Variants in ANKRD18B observed in about 807,000 individuals in gnomAD.
ANKRD18B encodes the protein ankyrin repeat domain 18B.
A neutral mutation model predicts 111.8 loss-of-function variants in ANKRD18B; 75 were observed. The ratio of observed to expected loss-of-function variants is 0.67; its 90% CI spans 0.56 to 0.81. ANKRD18B has a LOEUF of 0.81. Among genes scored for constraint, ANKRD18B ranks in the 40% least tolerant of loss-of-function variants. The pLI is 0.00. For missense variants in ANKRD18B, 1,038 were observed against 1,225.5 expected, an observed-to-expected ratio of 0.85 and a Z score of 2.28; for synonymous variants, 356 against 417.3, an observed-to-expected ratio of 0.85 and a Z score of 1.79.
chr9:33,552,392 T>TCCTAGC (rs1270514952), intron 12 of ANKRD18B, among the ~76,000 whole-genome samples: 1 of 152,230 alleles, frequency 6.6e-6, no homozygotes, highest in Non-Finnish European at 1.5e-5. Context: ...AGCTCCTTAA[T>TCCTAGC]CCTAGCGCTC....
At chr9:33,557,958 A>G in intron 13 of ANKRD18B, 100 bp from the exon 14 acceptor site, 3 of 1,123,338 alleles carry the variant, frequency 2.7e-6, no homozygotes, top group Non-Finnish European at 1.2e-6. Context: ...TAGTTTATAG[A>G]TTTGTTTCTT....
chr9:33,553,392 C>T (rs1828475351), intron 12 of ANKRD18B, among the ~76,000 whole-genome samples: 1 of 152,032 alleles, frequency 6.6e-6, no homozygotes, highest in African/African-American at 2.4e-5. Flanking sequence ...TGTATAGATT[C>T]CCATAGAATT....
At chr9:33,574,164 AGTCAGTGGGGACCAG>A (rs1486350381), downstream of ANKRD18B, among the ~76,000 whole-genome samples, 2 of 115,022 alleles carry the variant, frequency 1.7e-5, 1 homozygote, top group East Asian at 5.8e-4. Flanking sequence ...GTGGGAACCC[AGTCAGTGGGGACCAG>A]GTCAGTGGGA....
chr9:33,574,978 A>G (rs1828840205), downstream of ANKRD18B, among the ~76,000 whole-genome samples: 1 of 152,126 alleles, frequency 6.6e-6, no homozygotes, highest in Admixed American at 6.5e-5. Flanking sequence ...TTTCTAGGTG[A>G]GATGCACATC....
downstream of ANKRD18B, among the ~76,000 whole-genome samples, chr9:33,574,858 G>A (rs1341263015): frequency 6.6e-6 from 1 of 152,208 alleles, no homozygotes; most frequent in African/African-American, 2.4e-5. Flanking sequence ...TGTTGTGGTG[G>A]GTTGTGTCAT....
chr9:33,568,697 G>T lies in ANKRD18B; in HGVS notation c.2981G>T (p.Ser994Ile), dbSNP rs2118140236. The change falls in exon 17 of 19, where the codon AGC becomes ATC. Residue 994 changes from serine to isoleucine, a missense_variant. By Grantham distance (142) the Ser-to-Ile change is moderately radical (BLOSUM62 -2). Around this residue, in one of 4 missense-constraint regions of ANKRD18B, gnomAD observed 524 missense variants for 677.9 expected, o/e 0.77. Coordinates refer to ENST00000684830, the MANE Select transcript of ANKRD18B (RefSeq NM_001393611.1). ...TKSDKKIAVI[S>I]TKLFMEKERM... ...TCGGATAAGAAAATAGCTGTGATCA[G>T]CACCAAGCTCTTTATGGAGAAAGAG... 1 of 1,549,982 alleles carries T rather than the reference G, an allele frequency of 6.5e-7. No homozygotes were observed. Among genetic ancestry groups the T allele is most frequent in the East Asian group, 2.4e-5 (1 of 40,858 alleles).
At chr9:33,541,729 CAATAA>C (rs1446751748) in intron 9 of ANKRD18B, among the ~76,000 whole-genome samples, 2 of 152,058 alleles carry the variant, frequency 1.3e-5, no homozygotes, top group Non-Finnish European at 2.9e-5. Flanking sequence ...AGATAAGATA[CAATAA>C]AATAAAATGT....
intron 12 of ANKRD18B, among the ~76,000 whole-genome samples, chr9:33,552,098 C>G (rs1828455635): frequency 6.6e-6 from 1 of 152,190 alleles, no homozygotes; most frequent in African/African-American, 2.4e-5. Context: ...AGCTTGGCAG[C>G]TTTTAGCATA....
At chr9:33,537,139 A>G (rs1828213837) in intron 6 of ANKRD18B, among the ~76,000 whole-genome samples, 194 bp downstream of exon 6, 1 of 151,978 alleles carries the variant, frequency 6.6e-6, no homozygotes, top group Non-Finnish European at 1.5e-5. Flanking sequence ...TCTACTAAAA[A>G]TACAAAAATT....
intron 14 of ANKRD18B, among the ~76,000 whole-genome samples, chr9:33,559,627 A>C (rs1239440759): frequency 6.6e-6 from 1 of 152,118 alleles, no homozygotes; most frequent in Non-Finnish European, 1.5e-5. Flanking sequence ...TTAATTTTAC[A>C]GACTTGATAC....
downstream of ANKRD18B, among the ~76,000 whole-genome samples, chr9:33,574,157 G>A (rs3855760): frequency 5.8e-5 from 7 of 120,814 alleles, no homozygotes; most frequent in Admixed American, 6.3e-4. Context: ...CTTGTCAGTG[G>A]GAACCCAGTC....
At chr9:33,553,986 C>T (rs1190230960) in intron 12 of ANKRD18B, among the ~76,000 whole-genome samples, 6 of 151,292 alleles carry the variant, frequency 4.0e-5, no homozygotes, top group Admixed American at 6.6e-5. Context: ...GCAGGAGAAT[C>T]ACTTGAACCC....
At chr9:33,564,458 G>T (rs761488070) in intron 14 of ANKRD18B, among the ~76,000 whole-genome samples, 1 of 152,300 alleles carries the variant, frequency 6.6e-6, no homozygotes, top group Non-Finnish European at 1.5e-5. Context: ...TGGACATGTA[G>T]GTTGATTTTA....
At chr9:33,526,927 C>A (rs1828032858) in intron 1 of ANKRD18B, among the ~76,000 whole-genome samples, 1 of 152,124 alleles carries the variant, frequency 6.6e-6, no homozygotes, top group Non-Finnish European at 1.5e-5. Context: ...CAACTGTATT[C>A]TATCAATCCA....
At position 33,571,263 on chromosome 9, in the gene ANKRD18B, A is replaced by G; in HGVS notation, c.3195A>G (p.Ala1065=). Reference sequence around the variant, plus strand: ...TATTTTAGATGGAGCTGGACTGTGCAGAACAAATAATTACAGAAACAAAGA... The same window carrying G: ...TATTTTAGATGGAGCTGGACTGTGCGGAACAAATAATTACAGAAACAAAGA... ...NSLTEMELDC[A]EQIITETKKT... Residue 1065 remains alanine (A), a synonymous_variant, in exon 18 of 19, where the codon GCA becomes GCG. Coordinates refer to ENST00000684830, the MANE Select transcript of ANKRD18B (RefSeq NM_001393611.1). 8.6e-7 allele frequency: 1 copy of G among 1,163,904 alleles called. No homozygotes were observed. The highest frequency in any genetic ancestry group is 1.1e-6 in the Non-Finnish European group (1 of 918,674). 72.1% of individuals were successfully genotyped at this position (1,163,904 alleles called of 1,614,324 possible).
intron 14 of ANKRD18B, among the ~76,000 whole-genome samples, chr9:33,562,818 T>C (rs1362734019): frequency 1.3e-5 from 2 of 152,354 alleles, no homozygotes; most frequent in Admixed American, 1.3e-4. Context: ...TATTTCCTCA[T>C]TGAGAAAAAG....
intron 9 of ANKRD18B, among the ~76,000 whole-genome samples, chr9:33,542,022 C>T (rs1189360432): frequency 6.6e-6 from 1 of 152,000 alleles, no homozygotes; most frequent in African/African-American, 2.4e-5. Flanking sequence ...TTCCTGCCCT[C>T]TGCCTCTTTT....
At chr9:33,555,958 T>G (rs1388174397) in intron 13 of ANKRD18B, 138 bp downstream of exon 13, 1 of 677,060 alleles carries the variant, frequency 1.5e-6, no homozygotes, top group Non-Finnish European at 2.1e-6. Flanking sequence ...TAAAATATAT[T>G]TCAGAAACTC....
At chr9:33,542,287 G>A (rs1425517380) in intron 9 of ANKRD18B, among the ~76,000 whole-genome samples, 1 of 149,562 alleles carries the variant, frequency 6.7e-6, no homozygotes, top group Non-Finnish European at 1.5e-5. Flanking sequence ...AAAGTACGAA[G>A]GGAGCCCCAA....
Sources: gnomAD v4.1 joint callset for allele counts (sites outside exome capture counted in the v4.1 genomes callset) on GRCh38, gnomAD v4.1.1 for gene constraint, gnomAD v4.1.1 regional missense constraint, MANE v1.5 for transcripts, NCBI Gene and HGNC (gene_info 2026-07-23, HGNC 2026-07-21) for gene names.